Variants in KCNJ4 observed in about 807,000 individuals in gnomAD.
KCNJ4 encodes potassium inwardly rectifying channel subfamily J member 4.
Under a neutral mutation model 25.6 loss-of-function variants are expected in KCNJ4, and 3 were observed. That is an observed-to-expected ratio of 0.12 (90% CI 0.05 to 0.30). The LOEUF (loss-of-function observed/expected upper bound fraction) is 0.30. KCNJ4 is among the 10% of genes least tolerant of loss of function. KCNJ4 has a pLI of 1.00. For synonymous variants in KCNJ4, 257 were observed against 283.9 expected (o/e 0.91, Z 0.95); for missense variants, 286 against 666.8 (o/e 0.43, Z 6.29).
At chr22:38,448,073 AAG>A (rs2089387505) in intron 1 of KCNJ4, among the ~76,000 whole-genome samples, 1 of 138,606 alleles carries the variant, frequency 7.2e-6, no homozygotes, top group South Asian at 2.2e-4. Context: ...AAAAAAAAAA[AAG>A]AAAAGAAAAG....
At chr22:38,450,179 C>T (rs2089402097) in intron 1 of KCNJ4, among the ~76,000 whole-genome samples, 1 of 152,176 alleles carries the variant, frequency 6.6e-6, no homozygotes, top group Admixed American at 6.5e-5. Context: ...TGGCGATCCC[C>T]CACACCCCAA....
intron 1 of KCNJ4, among the ~76,000 whole-genome samples, chr22:38,453,524 A>G (rs528470268): frequency 6.6e-6 from 1 of 151,800 alleles, no homozygotes; most frequent in Non-Finnish European, 1.5e-5. Context: ...ACCTCCACCC[A>G]CTAGCTGTTC....
chr22:38,444,714 G>C (rs2089361238), intron 1 of KCNJ4, among the ~76,000 whole-genome samples: 1 of 152,220 alleles, frequency 6.6e-6, no homozygotes, highest in African/African-American at 2.4e-5. Context: ...ACAGCCCCAA[G>C]GGACTGTCAC....
rs2089350787 is a variant in KCNJ4 at position 38,443,399 on chromosome 22, C to G, written c.-40+11581G>C. ...CCCACTTGGCTCCTGCTCCCTGTGT[C>G]TGCTGGACAGTGAAGAGGCATCGCG... On this transcript the variant is annotated intron_variant, in intron 1 of 1. Coordinates refer to ENST00000303592, the MANE Select transcript of KCNJ4 (RefSeq NM_152868.3). The surrounding 1 kb of genome is among the most constrained non-coding windows in gnomAD (Gnocchi z 4.1). Among the ~76,000 whole-genome samples, 2 of 152,106 alleles carry G rather than the reference C, an allele frequency of 1.3e-5. No individual in the cohort carries two copies. Among genetic ancestry groups the G allele is most frequent in the African/African-American group, 4.8e-5 (2 of 41,396 alleles).
Position 38,427,338 on chromosome 22 carries a change from G to T in KCNJ4, c.795C>A (p.Ile265=), listed in dbSNP as rs773072604. ...LVSPIIIVHE[I]DEDSPLYGMG... ...TGCCATAAAGCGGGCTGTCCTCGTC[G>T]ATCTCGTGGACAATGATGATGGGCG... The change falls in exon 2 of 2, where the codon ATC becomes ATA. Residue 265 remains isoleucine, a synonymous_variant. Transcript: ENST00000303592. The T allele has an allele frequency of 6.2e-7, 1 of 1,614,008 alleles. No homozygotes were observed. The highest frequency in any genetic ancestry group is 1.1e-5 in the South Asian group (1 of 91,068).
chr22:38,452,632 G>T (rs992428551), intron 1 of KCNJ4, among the ~76,000 whole-genome samples: 4 of 152,142 alleles, frequency 2.6e-5, no homozygotes, highest in South Asian at 2.1e-4. Flanking sequence ...GACAGATTGC[G>T]TGAGCCAAAT....
At chr22:38,447,111 C>A (rs1487065088) in intron 1 of KCNJ4, among the ~76,000 whole-genome samples, 1 of 152,128 alleles carries the variant, frequency 6.6e-6, no homozygotes, top group African/African-American at 2.4e-5. Context: ...ACGGGCCTCG[C>A]CTGGGACAAC....
chr22:38,426,695 G>A lies in KCNJ4; in HGVS notation c.*100C>T. On this transcript the variant is annotated 3_prime_UTR_variant, in exon 2 of 2. Transcript: ENST00000303592. ...CCCACCTTCCTCCAGAAGGTCCACG[G>A]AGCCAGGGTTGGCTCTGTCCTGAGT... 1 of 1,425,224 alleles carries A rather than the reference G, an allele frequency of 7.0e-7. No homozygotes were observed. The highest frequency in any genetic ancestry group is 9.5e-7 in the Non-Finnish European group (1 of 1,052,678). The allele number at this position is 1,425,224 out of a possible 1,614,324, so 88.3% of individuals were successfully genotyped here.
intron 1 of KCNJ4, among the ~76,000 whole-genome samples, chr22:38,446,954 C>CAAAAAAAAAAAAAA (rs11294836): frequency 1.5e-5 from 2 of 133,904 alleles, no homozygotes; most frequent in African/African-American, 5.5e-5. Flanking sequence ...GACTCCATCT[C>CAAAAAAAAAAAAAA]AAAAAAAAAA....
rs556266141 is a variant in KCNJ4 at position 38,427,692 on chromosome 22, C to T, written c.441G>A (p.Pro147=). Residue 147 remains proline (P), a synonymous_variant, in exon 2 of 2, where the codon CCG becomes CCA. Transcript: ENST00000303592. ...YGFRCVTEEC[P]LAVIAVVVQS... is the part of the protein sequence containing the mutation. The stretch of plus-strand genomic sequence containing the variant: ...GGACCACCACAGCGATGACTGCCAG[C>T]GGGCACTCCTCTGTCACGCACCGGA... 154 of 1,612,616 alleles carry T rather than the reference C, an allele frequency of 9.5e-5. 1 individual carries two copies. The South Asian group carries it at 1.1e-3, about 12-fold the overall frequency.
chr22:38,435,479 T>C (rs2093062701), intron 1 of KCNJ4, among the ~76,000 whole-genome samples: 1 of 151,958 alleles, frequency 6.6e-6, no homozygotes, highest in Non-Finnish European at 1.5e-5. Context: ...GATCACCTGA[T>C]GTCAGGAGTT....
chr22:38,452,845 A>C (rs2089418232), intron 1 of KCNJ4, among the ~76,000 whole-genome samples: 1 of 137,022 alleles, frequency 7.3e-6, no homozygotes, highest in African/African-American at 2.8e-5. Context: ...TTCTCCCCGG[A>C]CCCCTTGAGC....
Position 38,426,646 on chromosome 22 carries a change from A to C in KCNJ4, c.*149T>G. 1 of 999,560 alleles carries C rather than the reference A, an allele frequency of 1.0e-6. No homozygotes were observed. The highest frequency in any genetic ancestry group is 1.6e-5 in the African/African-American group (1 of 61,476). 61.9% of individuals were successfully genotyped at this position (999,560 alleles called of 1,614,324 possible). ...GGCCTGGGTGCTGGAGTCAGGAGGA[A>C]GGGGTCCCCCAGTCTTTGAAACCCC... On this transcript the variant is annotated 3_prime_UTR_variant, in exon 2 of 2. Coordinates refer to ENST00000303592, the MANE Select transcript of KCNJ4 (RefSeq NM_152868.3).
In KCNJ4 at chr22:38,449,817, G is replaced by A. The variant is rs561826727; in HGVS notation, c.-40+5163C>T. On this transcript the variant is annotated intron_variant, in intron 1 of 1. Transcript: ENST00000303592. The surrounding 1 kb of genome is among the most constrained non-coding windows in gnomAD (Gnocchi z 5.2). ...TATGTCCAAAGTCTTCCAGGTTCAC[G>A]ACAGGGACCCCGTGTTGGGCCACGG... Among the ~76,000 whole-genome samples, 1 of 152,364 alleles carries A rather than the reference G, an allele frequency of 6.6e-6. No homozygotes were observed. The highest frequency in any genetic ancestry group is 2.4e-5 in the African/African-American group (1 of 41,584).
chr22:38,426,599 G>T lies in KCNJ4; in HGVS notation c.*196C>A, dbSNP rs2093033037. On this transcript the variant is annotated 3_prime_UTR_variant, in exon 2 of 2. Transcript: ENST00000303592. The stretch of plus-strand genomic sequence containing the variant: ...AGTAGGCGCTGGCGGAACTCAGGCT[G>T]ATCGGGGCCGAGCTCTTCCCAGGCC... The T allele has an allele frequency of 4.6e-6, 3 of 657,772 alleles. No homozygotes were observed. Among genetic ancestry groups the T allele is most frequent in the Non-Finnish European group, 7.7e-6 (3 of 392,144 alleles). The allele number at this position is 657,772 out of a possible 1,614,324, so 40.7% of individuals were successfully genotyped here.
rs78545350 is a variant in KCNJ4, at chr22:38,440,794, G to C, written c.-39-12623C>G. 5.1e-4 allele frequency among the ~76,000 whole-genome samples: 78 copies of C among 152,324 alleles called. No individual in the cohort carries two copies. The East Asian group carries it at 0.013, about 25-fold the overall frequency. Reference sequence around the variant, plus strand: ...TGGGTGAAGAGTCCGCAGGGTTTGAGGGTGGAAGGGGGTTGTCGAGAGTGG... The same window carrying C: ...TGGGTGAAGAGTCCGCAGGGTTTGACGGTGGAAGGGGGTTGTCGAGAGTGG... On this transcript the variant is annotated intron_variant, in intron 1 of 1. Transcript: ENST00000303592.
intron 1 of KCNJ4, among the ~76,000 whole-genome samples, chr22:38,452,512 C>A (rs977700463): frequency 2.0e-5 from 3 of 152,200 alleles, no homozygotes; most frequent in Admixed American, 2.0e-4. Context: ...TGGCCACTTG[C>A]CCCCGGCCCT....
intron 1 of KCNJ4, among the ~76,000 whole-genome samples, chr22:38,452,081 G>A (rs1041358727): frequency 6.6e-6 from 1 of 152,224 alleles, no homozygotes; most frequent in African/African-American, 2.4e-5. Flanking sequence ...GTGGGGAGAT[G>A]GAGGCATGAG....
At chr22:38,450,719 T>C (rs2089405636) in intron 1 of KCNJ4, among the ~76,000 whole-genome samples, 1 of 152,162 alleles carries the variant, frequency 6.6e-6, no homozygotes, top group Admixed American at 6.5e-5. Context: ...GGGCAGGTCA[T>C]TCCTTGTCTC....
Sources: gnomAD v4.1 joint callset for allele counts (sites outside exome capture counted in the v4.1 genomes callset) on GRCh38, gnomAD v4.1.1 for gene constraint, Gnocchi (gnomAD v3.1) non-coding constraint, MANE v1.5 for transcripts, NCBI Gene and HGNC (gene_info 2026-07-23, HGNC 2026-07-21) for gene names.